The following RELN variants were observed in gnomAD, a reference collection of about 807,000 sequenced individuals.
RELN encodes reelin.
RELN carries 108 observed loss-of-function variants against 427.6 expected under a neutral mutation model. That is an observed-to-expected ratio of 0.25 (90% CI 0.22 to 0.30). The LOEUF is 0.30. Ranked by LOEUF, RELN falls within the 10% of genes least tolerant of loss-of-function variation. The probability of loss-of-function intolerance (pLI) is 1.00; values close to 1 mark genes in which losing one functional copy is unlikely to be tolerated. For missense variants in RELN, 3,715 were observed against 4,302.8 expected (o/e 0.86, Z 3.82); for synonymous variants, 1,524 against 1,513.4 (o/e 1.01, Z -0.16).
At chr7:103,932,699 C>T (rs10487175) in intron 1 of RELN, among the ~76,000 whole-genome samples, 1 of 152,072 alleles carries the variant, frequency 6.6e-6, no homozygotes, top group Non-Finnish European at 1.5e-5. Flanking sequence ...GATTCCCATT[C>T]ATCTAGAGGC....
At chr7:103,523,670 T>C in intron 46 of RELN, 139 bp from the exon 47 acceptor site, 1 of 853,170 alleles carries the variant, frequency 1.2e-6, no homozygotes, top group Non-Finnish European at 1.8e-6. Context: ...ACATTCATTA[T>C]TACAATATTC....
intron 1 of RELN, among the ~76,000 whole-genome samples, chr7:103,987,243 G>A (rs1227889874): frequency 1.3e-5 from 2 of 152,050 alleles, no homozygotes; most frequent in African/African-American, 4.8e-5. Context: ...TACCTTTTCT[G>A]GTGGTGGAAA....
rs1831361955 is a variant in RELN, at chr7:103,589,590, C to A, written c.4145+6G>T. The A allele has an allele frequency of 6.3e-7, 1 of 1,594,730 alleles. No homozygotes were observed. The highest frequency in any genetic ancestry group is 1.3e-5 in the African/African-American group (1 of 74,562). On this transcript the variant is annotated splice_donor_region_variant and intron_variant, in intron 28 of 64. Coordinates refer to ENST00000428762, the MANE Select transcript of RELN (RefSeq NM_005045.4). ...GGCCCAAACCCATTAAGAATGATTA[C>A]TTTACCTGGATGCAAGAGACCTTGG...
intron 4 of RELN, among the ~76,000 whole-genome samples, chr7:103,758,660 A>C (rs1033918829): frequency 6.6e-6 from 1 of 150,646 alleles, no homozygotes; most frequent in Non-Finnish European, 1.5e-5. Flanking sequence ...AATGAGAAAA[A>C]AATGAAATTT....
At chr7:103,946,876 G>T (rs1796230748) in intron 1 of RELN, among the ~76,000 whole-genome samples, 1 of 152,150 alleles carries the variant, frequency 6.6e-6, no homozygotes, top group South Asian at 2.1e-4. Context: ...CATCCATGAT[G>T]AATTATTTGT....
intron 64 of RELN, 113 bp downstream of exon 64, chr7:103,478,276 A>T (rs1828106207): frequency 1.7e-6 from 1 of 573,490 alleles, no homozygotes; most frequent in Admixed American, 3.1e-5. Context: ...GTTTTCATAG[A>T]TTTTTTTTTT....
chr7:103,737,114 G>T (rs1005875579), intron 6 of RELN, among the ~76,000 whole-genome samples: 3 of 151,952 alleles, frequency 2.0e-5, no homozygotes, highest in Non-Finnish European at 4.4e-5. Context: ...AATATTAAAT[G>T]ATAATTCCAT....
At position 103,989,269 on chromosome 7, in the gene RELN, A is replaced by G. The variant is rs764175823; in HGVS notation, c.88T>C (p.Tyr30His). ...TLRARAAAGY[Y>H]PRFSPFFFLC... ...AAAAAGAAGGGCGAAAAGCGGGGGT[A>G]ATAGCCAGCCGCCGCGCGCGCCCTC... Residue 30 changes from tyrosine (Y) to histidine (H), a missense_variant, in exon 1 of 65, where the codon TAC becomes CAC. Tyr to His is a moderately conservative substitution (Grantham distance 83). This residue lies in a region of RELN where 2,208 missense variants were observed against 2,361.7 expected (regional missense o/e 0.93). Transcript: ENST00000428762. The surrounding 1 kb of genome is among the most constrained non-coding windows in gnomAD (Gnocchi z 4.9). 3 of 1,613,562 alleles carry G rather than the reference A, an allele frequency of 1.9e-6. No individual in the cohort carries two copies. Among genetic ancestry groups the G allele is most frequent in the Middle Eastern group, 1.7e-4 (1 of 6,036 alleles).
At chr7:103,795,317 G>A (rs1314877265) in intron 3 of RELN, among the ~76,000 whole-genome samples, 1 of 152,188 alleles carries the variant, frequency 6.6e-6, no homozygotes, top group Non-Finnish European at 1.5e-5. Context: ...AATTTACTGT[G>A]TTGACTAACA....
At chr7:103,503,893 T>TAAAA (rs71154347) in intron 51 of RELN, among the ~76,000 whole-genome samples, 6 of 96,626 alleles carry the variant, frequency 6.2e-5, no homozygotes, top group South Asian at 3.6e-4. Flanking sequence ...AATGTTCTTG[T>TAAAA]AAAAAAAAAA....
chr7:103,897,191 G>C (rs546246777), intron 2 of RELN, among the ~76,000 whole-genome samples: 78 of 152,172 alleles, frequency 5.1e-4, no homozygotes, highest in Admixed American at 2.8e-3. Context: ...GTGAGAGCTG[G>C]GTGGAGACAT....
chr7:103,601,007 A>G (rs1349388980), intron 24 of RELN, among the ~76,000 whole-genome samples: 1 of 152,210 alleles, frequency 6.6e-6, no homozygotes, highest in Non-Finnish European at 1.5e-5. Context: ...TAACTTTGCA[A>G]TGTGAACCAA....
At chr7:103,708,419 T>C (rs892855732) in intron 8 of RELN, among the ~76,000 whole-genome samples, 1 of 151,084 alleles carries the variant, frequency 6.6e-6, no homozygotes, top group African/African-American at 2.4e-5. Flanking sequence ...TACTGACATT[T>C]ACATAAGGGC....
At chr7:103,905,163 T>C (rs1795173054) in intron 2 of RELN, among the ~76,000 whole-genome samples, 1 of 151,838 alleles carries the variant, frequency 6.6e-6, no homozygotes, top group Admixed American at 6.6e-5. Flanking sequence ...ATATTTTTAG[T>C]AGAGACAGGG....
In RELN at chr7:103,807,635, C is replaced by T. The variant is rs142840342; in HGVS notation, c.473+25902G>A. ...TTCCACCCTCCCCTCTCAAGCAGTC[C>T]CCAGTGTCTATTGCTCCCATCTTTG... On this transcript the variant is annotated intron_variant, in intron 3 of 64. Coordinates refer to ENST00000428762, the MANE Select transcript of RELN (RefSeq NM_005045.4). Among the ~76,000 whole-genome samples, 178 of 152,024 alleles carry T rather than the reference C, an allele frequency of 1.2e-3. 3 individuals are homozygous for T. The highest frequency in any genetic ancestry group is 4.1e-3 in the African/African-American group (170 of 41,452).
intron 1 of RELN, among the ~76,000 whole-genome samples, chr7:103,963,562 G>A (rs1008645718): frequency 5.9e-5 from 9 of 151,778 alleles, no homozygotes; most frequent in Non-Finnish European, 1.3e-4. Flanking sequence ...CACTGGGTTG[G>A]GTGACAAAGA....
At chr7:103,661,192 T>C (rs1005561390) in intron 12 of RELN, among the ~76,000 whole-genome samples, 184 bp downstream of exon 12, 1 of 152,176 alleles carries the variant, frequency 6.6e-6, no homozygotes, top group African/African-American at 2.4e-5. Flanking sequence ...TCTCTTTAGG[T>C]TGGCTCCAGC....
At chr7:103,628,661 A>G (rs1261124062) in intron 20 of RELN, among the ~76,000 whole-genome samples, 1 of 152,224 alleles carries the variant, frequency 6.6e-6, no homozygotes, top group Non-Finnish European at 1.5e-5. Flanking sequence ...CTGATGGGTC[A>G]TTTATGATAT....
chr7:103,862,859 G>T (rs1322165300), intron 2 of RELN, among the ~76,000 whole-genome samples: 1 of 152,026 alleles, frequency 6.6e-6, no homozygotes, highest in Non-Finnish European at 1.5e-5. Context: ...TGCAAAATAG[G>T]CAGGAAATCA....
Sources: gnomAD v4.1 joint callset for allele counts (sites outside exome capture counted in the v4.1 genomes callset) on GRCh38, gnomAD v4.1.1 for gene constraint, gnomAD v4.1.1 regional missense constraint, Gnocchi (gnomAD v3.1) non-coding constraint, MANE v1.5 for transcripts, NCBI Gene and HGNC (gene_info 2026-07-23, HGNC 2026-07-21) for gene names.